Variants in KDM4C observed in about 807,000 individuals in gnomAD.
The protein encoded by KDM4C is lysine demethylase 4C, also known as lysine-specific demethylase 4C.
In KDM4C, 81 loss-of-function variants were observed where a neutral mutation model predicts 129.3. That is an observed-to-expected ratio of 0.63 (90% CI 0.52 to 0.75). The LOEUF (loss-of-function observed/expected upper bound fraction) is 0.75. Among genes scored for constraint, KDM4C ranks in the 30% least tolerant of loss-of-function variants. The pLI, the probability that KDM4C is intolerant of heterozygous loss-of-function variation, is 0.00. For missense variants in KDM4C, 1,457 were observed against 1,304.0 expected, an observed-to-expected ratio of 1.12 and a Z score of -1.81; for synonymous variants, 573 against 456.1, an observed-to-expected ratio of 1.26 and a Z score of -3.26.
chr9:7,057,441 G>C (rs187790622), intron 17 of KDM4C, among the ~76,000 whole-genome samples: 60 of 152,334 alleles, frequency 3.9e-4, no homozygotes, highest in Non-Finnish European at 7.4e-5. Context: ...GGAGAGTACA[G>C]GCTCTGGGTT....
At chr9:6,795,781 C>T (rs1260383301) in intron 2 of KDM4C, among the ~76,000 whole-genome samples, 1 of 151,934 alleles carries the variant, frequency 6.6e-6, no homozygotes, top group Non-Finnish European at 1.5e-5. Flanking sequence ...AAGCGATCCC[C>T]CTCCCTCAGC....
chr9:6,793,021 C>T lies in KDM4C; in HGVS notation c.33C>T (p.Asn11=), dbSNP rs765586540. The change falls in exon 2 of 22, where the codon AAC becomes AAT. Residue 11 remains asparagine (N), a synonymous_variant. Coordinates refer to ENST00000381309, the MANE Select transcript of KDM4C (RefSeq NM_015061.6). MEVAEVESPL[N]PSCKIMTFRP... Reference sequence around the variant, plus strand: ...TGGCCGAGGTGGAAAGTCCTCTGAACCCCAGCTGTAAGATAATGACCTTCA... The same window carrying T: ...TGGCCGAGGTGGAAAGTCCTCTGAATCCCAGCTGTAAGATAATGACCTTCA... 17 of 1,614,170 alleles carry T rather than the reference C, an allele frequency of 1.1e-5. No individual in the cohort carries two copies. The highest frequency in any genetic ancestry group is 2.2e-5 in the East Asian group (1 of 44,884).
chr9:6,832,614 A>G (rs973916619), intron 4 of KDM4C, among the ~76,000 whole-genome samples: 3 of 149,668 alleles, frequency 2.0e-5, no homozygotes, highest in Non-Finnish European at 3.0e-5. Flanking sequence ...TTTAGTAGAG[A>G]TGGGGTTTCA....
At chr9:7,152,556 A>G (rs529947128) in intron 19 of KDM4C, among the ~76,000 whole-genome samples, 2 of 152,350 alleles carry the variant, frequency 1.3e-5, no homozygotes, top group South Asian at 2.1e-4. Context: ...AGAGAGAATG[A>G]GGAGTTAGTG....
intron 8 of KDM4C, among the ~76,000 whole-genome samples, chr9:6,910,591 G>A (rs920552334): frequency 2.0e-5 from 3 of 152,158 alleles, no homozygotes; most frequent in Non-Finnish European, 4.4e-5. Flanking sequence ...TCTCAGATTG[G>A]TGCAGAAGAC....
intron 1 of KDM4C, among the ~76,000 whole-genome samples, chr9:6,792,307 C>T (rs556269063): frequency 9.2e-5 from 14 of 152,186 alleles, no homozygotes; most frequent in Admixed American, 7.2e-4. Flanking sequence ...TGCGCCGCTG[C>T]ACTCCTGCCT....
chr9:6,867,017 A>ATTT (rs139668753), intron 5 of KDM4C, among the ~76,000 whole-genome samples: 1 of 83,784 alleles, frequency 1.2e-5, no homozygotes, highest in African/African-American at 4.5e-5. Context: ...ATATATATAT[A>ATTT]TTTTTTTTTT....
intron 4 of KDM4C, among the ~76,000 whole-genome samples, chr9:6,838,729 T>A (rs930924666): frequency 1.8e-4 from 27 of 149,852 alleles, no homozygotes; most frequent in African/African-American, 6.7e-4. Flanking sequence ...GAAAATAGTT[T>A]TGTTTTAAAA....
chr9:6,786,274 A>G (rs1225510039), intron 1 of KDM4C, among the ~76,000 whole-genome samples: 1 of 152,200 alleles, frequency 6.6e-6, no homozygotes, highest in Non-Finnish European at 1.5e-5. Flanking sequence ...AGGAGAGTAG[A>G]TGTTTGTCCT....
chr9:6,835,638 C>G lies in KDM4C; in HGVS notation c.436-13869C>G, dbSNP rs115037501. ...GACAAAACCTGACTTGTGCAGAAAA[C>G]AAGATGAGATTGGCATGGCTTTATT... On this transcript the variant is annotated intron_variant, in intron 4 of 21. Transcript: ENST00000381309. 1,010 of 792,972 alleles carry G rather than the reference C, an allele frequency of 1.3e-3. 6 individuals are homozygous for G. In the African/African-American group the frequency reaches 0.014, roughly 11 times the overall value. 49.1% of individuals were successfully genotyped at this position (792,972 alleles called of 1,614,324 possible).
At chr9:6,818,263 A>T (rs1378813736) in intron 4 of KDM4C, among the ~76,000 whole-genome samples, 1 of 152,222 alleles carries the variant, frequency 6.6e-6, no homozygotes, top group Non-Finnish European at 1.5e-5. Context: ...CACAAGCCAC[A>T]TCTAGACTAC....
At chr9:6,844,537 G>C (rs747608782) in intron 4 of KDM4C, among the ~76,000 whole-genome samples, 1 of 152,164 alleles carries the variant, frequency 6.6e-6, no homozygotes, top group Non-Finnish European at 1.5e-5. Flanking sequence ...ACAAGCTTCC[G>C]TGGTCAAATG....
chr9:7,036,822 T>C (rs746631240), intron 15 of KDM4C, among the ~76,000 whole-genome samples: 3 of 152,210 alleles, frequency 2.0e-5, no homozygotes, highest in Admixed American at 2.0e-4. Flanking sequence ...TTCACTGTGT[T>C]GCTCAGGGTC....
In KDM4C at chr9:6,923,105, A is replaced by G. The variant is rs900707726; in HGVS notation, c.921+29873A>G. Among the ~76,000 whole-genome samples, 11 of 152,030 alleles carry G rather than the reference A, an allele frequency of 7.2e-5. No individual in the cohort carries two copies. In the East Asian group the frequency reaches 1.9e-3, roughly 27 times the overall value. ...GTATTTATTTGGTAAAGCCTGTTTG[A>G]TTTAATGTTTTTACTCTTTACGGGT... On this transcript the variant is annotated intron_variant, in intron 8 of 21. Transcript: ENST00000381309.
intron 1 of KDM4C, among the ~76,000 whole-genome samples, chr9:6,792,406 C>G (rs1826849304): frequency 6.6e-6 from 1 of 152,066 alleles, no homozygotes; most frequent in Admixed American, 6.6e-5. Context: ...CTCTGTCGCT[C>G]AGACCAGAGT....
chr9:6,801,159 T>C (rs1433905099), intron 2 of KDM4C, among the ~76,000 whole-genome samples: 1 of 151,514 alleles, frequency 6.6e-6, no homozygotes, highest in African/African-American at 2.4e-5. Flanking sequence ...TATAGGTACA[T>C]GTAGACCTAA....
intron 17 of KDM4C, among the ~76,000 whole-genome samples, chr9:7,087,345 A>G (rs1304069341): frequency 2.0e-5 from 3 of 152,244 alleles, no homozygotes; most frequent in East Asian, 1.9e-4. Flanking sequence ...GCAGTCTGTA[A>G]CATACATTCA....
chr9:7,067,803 C>CT (rs1007620859), intron 17 of KDM4C, among the ~76,000 whole-genome samples: 26 of 149,536 alleles, frequency 1.7e-4, no homozygotes, highest in Non-Finnish European at 3.1e-4. Flanking sequence ...TGATTTTTGA[C>CT]TTTTTTTTTT....
intron 2 of KDM4C, among the ~76,000 whole-genome samples, chr9:6,801,570 G>A (rs1371024478): frequency 6.6e-6 from 1 of 151,504 alleles, no homozygotes; most frequent in South Asian, 2.1e-4. Flanking sequence ...AGATTGGAGG[G>A]CAAGTTACAG....
Sources: gnomAD v4.1 joint callset for allele counts (sites outside exome capture counted in the v4.1 genomes callset) on GRCh38, gnomAD v4.1.1 for gene constraint, MANE v1.5 for transcripts, NCBI Gene and HGNC (gene_info 2026-07-23, HGNC 2026-07-21) for gene names.